MAMDC4: variants seen among roughly 807,000 people sequenced by gnomAD.
MAMDC4 encodes MAM domain containing 4.
In MAMDC4, 168 loss-of-function variants were observed where a neutral mutation model predicts 153.3. That is an observed-to-expected ratio of 1.10 (90% CI 0.97 to 1.25). The LOEUF (loss-of-function observed/expected upper bound fraction) is 1.25, where lower values mean the gene tolerates loss of function less well. Among genes scored for constraint, MAMDC4 ranks in the 50% most tolerant of loss-of-function variants. The probability of loss-of-function intolerance (pLI) is 0.00; values close to 1 mark genes in which losing one functional copy is unlikely to be tolerated. For synonymous variants in MAMDC4, 744 were observed against 651.5 expected, an observed-to-expected ratio of 1.14 and a Z score of -2.16; for missense variants, 1,701 against 1,542.8, an observed-to-expected ratio of 1.10 and a Z score of -1.72.
Position 136,856,839 on chromosome 9 carries a change from C to T in MAMDC4, c.1837+13C>T. On this transcript the variant is annotated intron_variant, in intron 15 of 26. Coordinates refer to ENST00000317446, the MANE Select transcript of MAMDC4 (RefSeq NM_206920.3). ...ACCACAGGCCAAGGTAGGATGGGCG[C>T]TCAGACCGGGGGTGGCTTTCAGACG... 3 of 1,612,586 alleles carry T rather than the reference C, an allele frequency of 1.9e-6. No individual in the cohort carries two copies. The highest frequency in any genetic ancestry group is 2.5e-6 in the Non-Finnish European group (3 of 1,179,844).
chr9:136,857,516 G>C lies in MAMDC4; in HGVS notation c.2256G>C (p.Arg752Ser). The change falls in exon 18 of 27, where the codon AGG (arginine) becomes AGC (serine). Residue 752 changes from arginine (R) to serine (S), a missense_variant. Physicochemically the swap from Arg to Ser is moderately radical, Grantham distance 110. Coordinates refer to ENST00000317446, the MANE Select transcript of MAMDC4 (RefSeq NM_206920.3). Reference protein sequence around the residue: ...GFSPGGQGLWRRQANASGHAA... With the variant: ...GFSPGGQGLWSRQANASGHAA... ...CCCCTGGAGGCCAAGGTCTCTGGAG[G>C]CGGCAGGCCAATGCCTCGGGCCATG... The C allele has an allele frequency of 6.2e-7, 1 of 1,610,696 alleles. No homozygotes were observed. Among genetic ancestry groups the C allele is most frequent in the South Asian group, 1.1e-5 (1 of 91,088 alleles).
rs766431819 is a variant in MAMDC4 at position 136,859,965 on chromosome 9, A to G, written c.3273A>G (p.Gly1091=). The G allele has an allele frequency of 2.8e-5, 45 of 1,612,780 alleles. No homozygotes were observed. The highest frequency in any genetic ancestry group is 3.7e-5 in the Non-Finnish European group (44 of 1,179,896). The change falls in exon 26 of 27, where the codon GGA becomes GGG. Residue 1091 remains glycine (G), a synonymous_variant. Coordinates refer to ENST00000317446, the MANE Select transcript of MAMDC4 (RefSeq NM_206920.3). The stretch of plus-strand genomic sequence containing the variant: ...TGCTCATGCTCCTGGTGCTGCTGGG[A>G]CTTGGGGGACGGCGCTGGCTGCAGA... The part of the protein sequence containing the change: ...LLLLMLLVLL[G]LGGRRWLQKK...
rs774756754 is a variant in MAMDC4, at chr9:136,859,309, C to T, written c.3185C>T (p.Pro1062Leu). The T allele has an allele frequency of 7.5e-6, 12 of 1,610,678 alleles. 1 individual carries two copies. The highest frequency in any genetic ancestry group is 8.5e-6 in the Non-Finnish European group (10 of 1,178,984). The change falls in exon 25 of 27, where the codon CCC (proline) becomes CTC (leucine). Residue 1062 changes from proline (P) to leucine (L), a missense_variant. By Grantham distance (98) the Pro-to-Leu change is moderately conservative. Transcript: ENST00000317446. ...LAGQHCQQPA[P>L]SPGNTAAPGS... is the part of the protein sequence containing the mutation. ...GGGCAGCATTGCCAGCAGCCTGCCCCCAGCCCGGGTGAGCCCTGGGCTGCA... is the reference window on the plus strand; with the variant it reads ...GGGCAGCATTGCCAGCAGCCTGCCCTCAGCCCGGGTGAGCCCTGGGCTGCA...
At chr9:136,859,542 G>A (rs1035192412) in intron 25 of MAMDC4, 8 of 595,844 alleles carry the variant, frequency 1.3e-5, no homozygotes, top group African/African-American at 1.3e-4. Flanking sequence ...AGCCTCTGGG[G>A]CCTGCCCTGC....
chr9:136,853,322 C>A lies in MAMDC4; in HGVS notation c.192C>A (p.Phe64Leu). The A allele has an allele frequency of 1.9e-6, 3 of 1,604,176 alleles. No individual in the cohort carries two copies. Among genetic ancestry groups the A allele is most frequent in the Non-Finnish European group, 2.6e-6 (3 of 1,173,754 alleles). The change falls in exon 3 of 27, where the codon TTC becomes TTA. Residue 64 changes from phenylalanine to leucine, a missense_variant. Physicochemically the swap from Phe to Leu is conservative, Grantham distance 22 (BLOSUM62 0). Transcript: ENST00000317446. ...HGASPTLGAP[F>L]ACDFEQDPCG... ...CCTCGCCCACCCTGGGCGCCCCCTT[C>A]GCCTGTGACTTCGAGCAGGACCCCT...
chr9:136,857,078 AG>A (rs774655026), intron 16 of MAMDC4, 37 bp downstream of exon 16: 1 of 1,603,680 alleles, frequency 6.2e-7, no homozygotes, highest in Non-Finnish European at 8.5e-7. Flanking sequence ...GCCTGTGGGG[AG>A]GCCCCCGGGG....
rs531671941 is a variant in MAMDC4 at position 136,855,962 on chromosome 9, G to C, written c.1589-56G>C. 4.0e-5 allele frequency: 63 copies of C among 1,569,998 alleles called. No individual in the cohort carries two copies. In the East Asian group the frequency reaches 1.1e-3, roughly 28 times the overall value. On this transcript the variant is annotated intron_variant, in intron 13 of 26. Coordinates refer to ENST00000317446, the MANE Select transcript of MAMDC4 (RefSeq NM_206920.3). ...GGTCTCTGGACTGGGGATCCCTGAG[G>C]GACAGAGTGGGGCCCTGGAAGGGAT...
rs1246196673 is a variant in MAMDC4 at position 136,857,256 on chromosome 9, G to T, written c.2064G>T (p.Trp688Cys). The T allele has an allele frequency of 6.2e-7, 1 of 1,604,148 alleles. No homozygotes were observed. The highest frequency in any genetic ancestry group is 1.1e-5 in the South Asian group (1 of 89,856). The change falls in exon 17 of 27, where the codon TGG becomes TGT. Residue 688 changes from tryptophan to cysteine, a missense_variant. Trp to Cys is a radical substitution (Grantham distance 215, BLOSUM62 -2). Coordinates refer to ENST00000317446, the MANE Select transcript of MAMDC4 (RefSeq NM_206920.3). ...AGGGCAACCGCTGGCACGAGGCCTGGGCCACCCTTTCCCACCAGCCTGGCT... is the reference window on the plus strand; with the variant it reads ...AGGGCAACCGCTGGCACGAGGCCTGTGCCACCCTTTCCCACCAGCCTGGCT... ...GTQGNRWHEA[W>C]ATLSHQPGSH...
In MAMDC4 at chr9:136,854,091, C is replaced by A. The variant is rs1343903570; in HGVS notation, c.670+15C>A. On this transcript the variant is annotated intron_variant, in intron 6 of 26. Transcript: ENST00000317446. ...TGGTCTGCCCAGTAAGGCACCGCCT[C>A]TTCCTGTTCCACCCCCGGGAGGGCC... 1 of 1,612,482 alleles carries A rather than the reference C, an allele frequency of 6.2e-7. No homozygotes were observed. The highest frequency in any genetic ancestry group is 8.5e-7 in the Non-Finnish European group (1 of 1,179,704).
Position 136,858,963 on chromosome 9 carries a change from C to A in MAMDC4, c.2957-42C>A, listed in dbSNP as rs1465615598. Reference sequence around the variant, plus strand: ...CCGCCCCTGGTTAGGCGTGCAGGAGCCCCAGGACCCCAGGCCTGACACGCC... The same window carrying A: ...CCGCCCCTGGTTAGGCGTGCAGGAGACCCAGGACCCCAGGCCTGACACGCC... On this transcript the variant is annotated intron_variant, in intron 23 of 26. Transcript: ENST00000317446. The A allele has an allele frequency of 4.0e-6, 6 of 1,507,964 alleles. No individual in the cohort carries two copies. In the African/African-American group the frequency reaches 8.4e-5, roughly 21 times the overall value. 93.4% of individuals were successfully genotyped at this position (1,507,964 alleles called of 1,614,324 possible). A position where few individuals can be genotyped will look rare whatever the true frequency, so the allele number is the denominator to read the frequency against.
rs895684090 is a variant in MAMDC4, at chr9:136,856,750, C to T, written c.1761C>T (p.Tyr587=). ...TTGAGCGGGACACATGCAGCTGGTA[C>T]CCAGGCCACCTCTCAGACACACACT... ...CNFERDTCSW[Y]PGHLSDTHWR... is the part of the protein sequence containing the mutation. Residue 587 remains tyrosine (Y), a synonymous_variant, in exon 15 of 27, where the codon TAC becomes TAT. Transcript: ENST00000317446. 2 of 1,612,542 alleles carry T rather than the reference C, an allele frequency of 1.2e-6. No homozygotes were observed. Among genetic ancestry groups the T allele is most frequent in the Non-Finnish European group, 1.7e-6 (2 of 1,179,812 alleles).
intron 4 of MAMDC4, 43 bp from the exon 5 acceptor site, chr9:136,853,734 G>T: frequency 6.2e-7 from 1 of 1,606,284 alleles, no homozygotes; most frequent in Non-Finnish European, 8.5e-7. Flanking sequence ...GGCAGCTGGG[G>T]ACAAGCAGGG....
chr9:136,854,453 G>C, intron 7 of MAMDC4, 86 bp from the exon 8 acceptor site: 1 of 1,521,614 alleles, frequency 6.6e-7, no homozygotes, highest in Non-Finnish European at 8.8e-7. Flanking sequence ...CTTGGGGTGT[G>C]GTTGCCAGGG....
rs1278750464 is a variant in MAMDC4 at position 136,858,026 on chromosome 9, A to G, written c.2512A>G (p.Ser838Gly). The G allele has an allele frequency of 3.9e-6, 6 of 1,526,520 alleles. No homozygotes were observed. In the Admixed American group the frequency reaches 1.0e-4, roughly 26 times the overall value. 94.6% of individuals were successfully genotyped at this position (1,526,520 alleles called of 1,614,324 possible). A position where few individuals can be genotyped will look rare whatever the true frequency, so the allele number is the denominator to read the frequency against. Residue 838 changes from serine (S) to glycine (G), a missense_variant, in exon 20 of 27, where the codon AGC becomes GGC. Coordinates refer to ENST00000317446, the MANE Select transcript of MAMDC4 (RefSeq NM_206920.3). ...GGAGCGCGGGAGGCACCAGGTGCTC[A>G]GCCTCAGTGCCCACGGCGGGCTTGC... Reference protein sequence around the residue: ...LEERGRHQVLSLSAHGGLAWR... With the variant: ...LEERGRHQVLGLSAHGGLAWR...
chr9:136,855,789 G>A lies in MAMDC4; in HGVS notation c.1529G>A (p.Arg510Gln), dbSNP rs867094968. 16 of 1,552,950 alleles carry A rather than the reference G, an allele frequency of 1.0e-5. No individual in the cohort carries two copies. The highest frequency in any genetic ancestry group is 5.9e-5 in the Admixed American group (3 of 50,504). ...GGCTGGGAGGACGCCAGCGTGGGGCGGCTGCAGTGGCGGCGTGTCTCAGCC... is the reference window on the plus strand; with the variant it reads ...GGCTGGGAGGACGCCAGCGTGGGGCAGCTGCAGTGGCGGCGTGTCTCAGCC... ...AGGWEDASVG[R>Q]LQWRRVSAQE... Residue 510 changes from arginine to glutamine, a missense_variant, in exon 13 of 27, where the codon CGG (arginine) becomes CAG (glutamine). Physicochemically the swap from Arg to Gln is conservative, Grantham distance 43. Coordinates refer to ENST00000317446, the MANE Select transcript of MAMDC4 (RefSeq NM_206920.3).
At position 136,854,551 on chromosome 9, in the gene MAMDC4, C is replaced by T; in HGVS notation, c.809C>T (p.Ala270Val). Reference protein sequence around the residue: ...ENPLTCGRHIATDFETGLGPW... With the variant: ...ENPLTCGRHIVTDFETGLGPW... Reference sequence around the variant, plus strand: ...CCTCCTGCCCTAGGCCGCCACATAGCCACCGACTTTGAGACAGGCCTGGGC... The same window carrying T: ...CCTCCTGCCCTAGGCCGCCACATAGTCACCGACTTTGAGACAGGCCTGGGC... Residue 270 changes from alanine (A) to valine (V), a missense_variant, in exon 8 of 27, where the codon GCC (alanine) becomes GTC (valine). Ala to Val is a moderately conservative substitution (Grantham distance 64, BLOSUM62 0). Coordinates refer to ENST00000317446, the MANE Select transcript of MAMDC4 (RefSeq NM_206920.3). 6 of 1,605,800 alleles carry T rather than the reference C, an allele frequency of 3.7e-6. No individual in the cohort carries two copies. The highest frequency in any genetic ancestry group is 4.5e-5 in the East Asian group (2 of 44,366).
rs61745197 is a variant in MAMDC4 at position 136,856,343 on chromosome 9, G to A, written c.1720+194G>A. 1.9e-3 allele frequency: 1,922 copies of A among 1,007,830 alleles called. 25 individuals are homozygous for A. The African/African-American group carries it at 0.027, about 14-fold the overall frequency. The allele number at this position is 1,007,830 out of a possible 1,614,324, so 62.4% of individuals were successfully genotyped here. On this transcript the variant is annotated intron_variant, in intron 14 of 26. Transcript: ENST00000317446. The stretch of plus-strand genomic sequence containing the variant: ...CAGCAGTGCAGGCATCTGGAAGGTG[G>A]ACAAGGTCCTTCTAGGGGCCCGCCG...
Position 136,857,580 on chromosome 9 carries a change from G to A in MAMDC4, c.2320G>A (p.Ala774Thr). The A allele has an allele frequency of 6.2e-7, 1 of 1,612,562 alleles. No individual in the cohort carries two copies. The highest frequency in any genetic ancestry group is 8.5e-7 in the Non-Finnish European group (1 of 1,179,950). The stretch of plus-strand genomic sequence containing the variant: ...CCCAACAGACCATACCACTGAGACA[G>A]CCCAAGGTATGGGGGCCTGGCAGGG... ...GPPTDHTTET[A>T]QGHYMVVDTS... Residue 774 changes from alanine (A) to threonine (T), a missense_variant, in exon 18 of 27, where the codon GCC becomes ACC. Coordinates refer to ENST00000317446, the MANE Select transcript of MAMDC4 (RefSeq NM_206920.3).
intron 25 of MAMDC4, 122 bp downstream of exon 25, chr9:136,859,439 C>A: frequency 1.1e-6 from 1 of 889,274 alleles, no homozygotes; most frequent in Non-Finnish European, 1.7e-6. Flanking sequence ...CCAGACAGGA[C>A]AAGAGAGCTG....
Sources: allele counts gnomAD v4.1 joint callset, GRCh38; gene constraint gnomAD v4.1.1; transcripts MANE v1.5; gene names NCBI Gene and HGNC (gene_info 2026-07-23, HGNC 2026-07-21).